SGCD: variants seen among roughly 807,000 people sequenced by gnomAD.
SGCD encodes sarcoglycan delta.
In SGCD, 18 loss-of-function variants were observed where a neutral mutation model predicts 36.6. The ratio of observed to expected loss-of-function variants is 0.49; its 90% CI spans 0.34 to 0.73. The LOEUF is 0.73. Ranked by LOEUF, SGCD falls within the 30% of genes least tolerant of loss-of-function variation. The pLI, the probability that SGCD is intolerant of heterozygous loss-of-function variation, is 0.01. For missense variants in SGCD, 387 were observed against 346.7 expected, an observed-to-expected ratio of 1.12 and a Z score of -0.92; for synonymous variants, 133 against 130.6, an observed-to-expected ratio of 1.02 and a Z score of -0.12.
intron 3 of SGCD, among the ~76,000 whole-genome samples, chr5:156,353,348 T>C (rs1018094585): frequency 2.0e-5 from 3 of 152,218 alleles, no homozygotes; most frequent in African/African-American, 7.2e-5. Context: ...TTAAGGTAGA[T>C]CATAAATGAG....
intron 3 of SGCD, among the ~76,000 whole-genome samples, chr5:156,255,101 C>T (rs1027737142): frequency 3.3e-5 from 5 of 151,978 alleles, no homozygotes; most frequent in Admixed American, 6.6e-5. Flanking sequence ...GTATATGAAA[C>T]GTAAATGAAT....
chr5:156,499,839 G>T (rs902104882), intron 3 of SGCD, among the ~76,000 whole-genome samples: 1 of 152,112 alleles, frequency 6.6e-6, no homozygotes, highest in Non-Finnish European at 1.5e-5. Flanking sequence ...GAAGAAGATG[G>T]TTCAGTATTC....
rs1230013831 is a variant in SGCD, at chr5:156,682,497, CT to C, written c.575+34962del. Among the ~76,000 whole-genome samples, 2 of 152,212 alleles carry C rather than the reference CT, an allele frequency of 1.3e-5. 1 individual carries two copies. The highest frequency in any genetic ancestry group is 4.8e-5 in the African/African-American group (2 of 41,452). The stretch of plus-strand genomic sequence containing the variant: ...AAATCTGTTGACTTTCACTTGACCC[CT>C]GTTCTACAAAATCAAACTGTATAAA... On this transcript the variant is annotated intron_variant, in intron 7 of 8. Transcript: ENST00000337851.
intron 1 of SGCD, among the ~76,000 whole-genome samples, chr5:156,030,156 C>T (rs1759313573): frequency 6.6e-6 from 1 of 152,160 alleles, no homozygotes; most frequent in African/African-American, 2.4e-5. Context: ...TTTCAAGGAG[C>T]TTACTCTTGA....
At chr5:155,887,653 C>A (rs754534418) in intron 1 of SGCD, among the ~76,000 whole-genome samples, 1 of 152,154 alleles carries the variant, frequency 6.6e-6, no homozygotes, top group South Asian at 2.1e-4. Context: ...ACATTTTGTA[C>A]GTGAACCTCT....
At position 156,762,258 on chromosome 5, in the gene SGCD, T is replaced by C. The variant is rs1349880513; in HGVS notation, c.*2868T>C. 6.6e-6 allele frequency: 1 copy of C among 152,664 alleles called. No individual in the cohort carries two copies. The highest frequency in any genetic ancestry group is 2.4e-5 in the African/African-American group (1 of 41,462). 9.5% of individuals were successfully genotyped at this position (152,664 alleles called of 1,614,324 possible). A position where few individuals can be genotyped will look rare whatever the true frequency, so the allele number is the denominator to read the frequency against. On this transcript the variant is annotated 3_prime_UTR_variant, in exon 9 of 9. Transcript: ENST00000337851. ...TCATAACAAAGAATCCAAATGAACC[T>C]TCAATATACTAGAAGTTCTAGTAGG...
At position 156,760,595 on chromosome 5, in the gene SGCD, T is replaced by A. The variant is rs1321346024; in HGVS notation, c.*1205T>A. 6.6e-6 allele frequency: 1 copy of A among 152,408 alleles called. No individual in the cohort carries two copies. Among genetic ancestry groups the A allele is most frequent in the African/African-American group, 2.4e-5 (1 of 41,352 alleles). 9.4% of individuals were successfully genotyped at this position (152,408 alleles called of 1,614,324 possible). On this transcript the variant is annotated 3_prime_UTR_variant, in exon 9 of 9. Transcript: ENST00000337851. Reference sequence around the variant, plus strand: ...GCACTGAAAGATAATACAAACTGAGTGTCTTTATGAGAATCACTGTGTCCC... The same window carrying A: ...GCACTGAAAGATAATACAAACTGAGAGTCTTTATGAGAATCACTGTGTCCC...
intron 3 of SGCD, among the ~76,000 whole-genome samples, chr5:156,368,174 C>G (rs1353432573): frequency 6.6e-6 from 1 of 152,020 alleles, no homozygotes; most frequent in African/African-American, 2.4e-5. Context: ...TCACTGCAAC[C>G]TCTGCCTCCC....
chr5:156,305,600 C>T (rs1489701561), intron 3 of SGCD, among the ~76,000 whole-genome samples: 4 of 152,174 alleles, frequency 2.6e-5, no homozygotes, highest in African/African-American at 9.7e-5. Context: ...CACAGAGGCC[C>T]TACTGAGGCA....
At chr5:156,434,776 G>C (rs1753174995) in intron 3 of SGCD, among the ~76,000 whole-genome samples, 1 of 152,168 alleles carries the variant, frequency 6.6e-6, no homozygotes, top group South Asian at 2.1e-4. Context: ...GTTGCTACCA[G>C]ATCAGTTCAG....
chr5:156,127,160 T>C (rs1459126617), intron 3 of SGCD, among the ~76,000 whole-genome samples: 2 of 152,160 alleles, frequency 1.3e-5, no homozygotes, highest in Admixed American at 6.5e-5. Flanking sequence ...CAAATACATA[T>C]GCATATGACA....
the SGCD span, among the ~76,000 whole-genome samples, chr5:155,833,737 C>T: frequency 6.6e-6 from 1 of 152,228 alleles, no homozygotes; most frequent in African/African-American, 2.4e-5. Flanking sequence ...AGAGACCCCC[C>T]TCATGTTGCC....
At chr5:156,277,227 G>A (rs976726904) in intron 3 of SGCD, among the ~76,000 whole-genome samples, 2 of 152,116 alleles carry the variant, frequency 1.3e-5, no homozygotes, top group African/African-American at 4.8e-5. Flanking sequence ...AGGAGTCTTC[G>A]CCAAAATTCA....
At chr5:155,880,676 G>A (rs559401896) in intron 1 of SGCD, among the ~76,000 whole-genome samples, 12 of 152,210 alleles carry the variant, frequency 7.9e-5, no homozygotes, top group East Asian at 3.9e-4. Context: ...GTTAGTGCCC[G>A]TGAAGTTTTC....
At chr5:156,031,979 T>C (rs574972506) in intron 1 of SGCD, among the ~76,000 whole-genome samples, 1 of 151,566 alleles carries the variant, frequency 6.6e-6, no homozygotes, top group South Asian at 2.1e-4. Flanking sequence ...TTAGATGATA[T>C]AGATAGATAA....
chr5:155,775,449 C>A, the SGCD span, among the ~76,000 whole-genome samples: 1 of 152,090 alleles, frequency 6.6e-6, no homozygotes, highest in Non-Finnish European at 1.5e-5. Flanking sequence ...CAAAATTAGA[C>A]AACTAATAAG....
At chr5:156,113,262 T>G (rs1176525449) in intron 1 of SGCD, among the ~76,000 whole-genome samples, 1 of 152,166 alleles carries the variant, frequency 6.6e-6, no homozygotes, top group African/African-American at 2.4e-5. Context: ...CTAAGAAAAG[T>G]CTTCATTTCA....
At chr5:156,729,999 T>G (rs2113803588) in intron 7 of SGCD, among the ~76,000 whole-genome samples, 1 of 152,292 alleles carries the variant, frequency 6.6e-6, no homozygotes, top group Admixed American at 6.5e-5. Context: ...AAGTTAAAAA[T>G]TTTTCATTGT....
At chr5:156,538,697 G>A (rs544319364) in intron 4 of SGCD, among the ~76,000 whole-genome samples, 7 of 151,946 alleles carry the variant, frequency 4.6e-5, no homozygotes, top group African/African-American at 1.7e-4. Flanking sequence ...TACATTTTAC[G>A]GCCCAGAGTA....
Sources: allele counts gnomAD v4.1 joint callset (sites outside exome capture counted in the v4.1 genomes callset), GRCh38; gene constraint gnomAD v4.1.1; transcripts MANE v1.5; gene names NCBI Gene and HGNC (gene_info 2026-07-23, HGNC 2026-07-21).